RNF150: variants seen among roughly 807,000 people sequenced by gnomAD.
RNF150 encodes ring finger protein 150.
RNF150 carries 24 observed loss-of-function variants against 39.3 expected under a neutral mutation model. The ratio of observed to expected loss-of-function variants is 0.61; its 90% CI spans 0.44 to 0.86. The LOEUF (loss-of-function observed/expected upper bound fraction) is 0.86, where lower values mean the gene tolerates loss of function less well. RNF150 is among the 40% of genes least tolerant of loss of function. The pLI is 0.00. For missense variants in RNF150, 502 were observed against 587.8 expected, an observed-to-expected ratio of 0.85 and a Z score of 1.51; for synonymous variants, 255 against 227.3, an observed-to-expected ratio of 1.12 and a Z score of -1.10.
intron 4 of RNF150, among the ~76,000 whole-genome samples, chr4:140,941,632 T>C (rs1329317914): frequency 6.6e-6 from 1 of 152,048 alleles, no homozygotes; most frequent in African/African-American, 2.4e-5. Flanking sequence ...AATAGACTTA[T>C]CAGAATGAAT....
chr4:141,009,890 GCCTGTT>G (rs1263678729), intron 1 of RNF150, among the ~76,000 whole-genome samples: 5 of 152,148 alleles, frequency 3.3e-5, no homozygotes, highest in Non-Finnish European at 7.3e-5. Flanking sequence ...CTGCTCCTCT[GCCTGTT>G]CCTCTAGAGC....
At chr4:141,117,682 A>G (rs1726472461) in intron 1 of RNF150, among the ~76,000 whole-genome samples, 1 of 152,208 alleles carries the variant, frequency 6.6e-6, no homozygotes. Flanking sequence ...ATAGCTCTGG[A>G]TTAAAATCCC....
chr4:141,020,690 C>T (rs1001610231), intron 1 of RNF150, among the ~76,000 whole-genome samples: 1 of 152,224 alleles, frequency 6.6e-6, no homozygotes, highest in Non-Finnish European at 1.5e-5. Flanking sequence ...ACAATTCCTA[C>T]TTCCTCAGCT....
chr4:141,158,775 A>C (rs917875796), intron 1 of RNF150, among the ~76,000 whole-genome samples: 1 of 152,132 alleles, frequency 6.6e-6, no homozygotes, highest in Non-Finnish European at 1.5e-5. Flanking sequence ...TTATATTCCA[A>C]GGAAGAACTA....
chr4:140,865,552 T>G lies in RNF150; in HGVS notation c.*2709A>C, dbSNP rs983978191. 8 of 145,658 alleles carry G rather than the reference T, an allele frequency of 5.5e-5. No homozygotes were observed. The highest frequency in any genetic ancestry group is 2.1e-4 in the East Asian group (1 of 4,774). The allele number at this position is 145,658 out of a possible 1,614,324, so 9.0% of individuals were successfully genotyped here. A position where few individuals can be genotyped will look rare whatever the true frequency, so the allele number is the denominator to read the frequency against. On this transcript the variant is annotated 3_prime_UTR_variant, in exon 7 of 7. Coordinates refer to ENST00000515673, the MANE Select transcript of RNF150 (RefSeq NM_020724.2). Reference sequence around the variant, plus strand: ...ACTTTCTGGTTAAGCTTTTTTTTTTTCTTTTTTTTTTTTTTTTTAAACTAT... The same window carrying G: ...ACTTTCTGGTTAAGCTTTTTTTTTTGCTTTTTTTTTTTTTTTTTAAACTAT...
At chr4:141,064,371 T>G (rs1173455252) in intron 1 of RNF150, among the ~76,000 whole-genome samples, 10 of 152,186 alleles carry the variant, frequency 6.6e-5, no homozygotes, top group Admixed American at 6.5e-4. Context: ...CTTTGGCCTA[T>G]AGTTTGTAAA....
chr4:140,919,590 T>C (rs1350247764), intron 5 of RNF150, among the ~76,000 whole-genome samples: 4 of 150,434 alleles, frequency 2.7e-5, no homozygotes, highest in South Asian at 2.2e-4. Flanking sequence ...AGAATCAATA[T>C]CGTGAAAATG....
At chr4:141,037,958 G>A (rs1313680628) in intron 1 of RNF150, among the ~76,000 whole-genome samples, 2 of 152,102 alleles carry the variant, frequency 1.3e-5, no homozygotes, top group Admixed American at 6.6e-5. Context: ...ACACTAACAT[G>A]TTAAAATATA....
At chr4:141,082,824 G>A (rs921455048) in intron 1 of RNF150, among the ~76,000 whole-genome samples, 11 of 152,026 alleles carry the variant, frequency 7.2e-5, no homozygotes, top group Non-Finnish European at 1.3e-4. Context: ...TCCTGACCTC[G>A]TGATCCGCCC....
intron 6 of RNF150, among the ~76,000 whole-genome samples, chr4:140,895,672 C>T (rs1193596623): frequency 1.3e-5 from 2 of 152,244 alleles, no homozygotes; most frequent in African/African-American, 2.4e-5. Context: ...CTGCAATGCA[C>T]CCAAAGAAAC....
rs1425464768 is a variant in RNF150 at position 141,151,451 on chromosome 4, C to G, written c.-6+61343G>C. On this transcript the variant is annotated intron_variant, in intron 1 of 7. Transcript: ENST00000420921. Reference sequence around the variant, plus strand: ...ACACACACACACACACACACACACACACACACACACAGACACACACACAAA... The same window carrying G: ...ACACACACACACACACACACACACAGACACACACACAGACACACACACAAA... Among the ~76,000 whole-genome samples the G allele has an allele frequency of 1.4e-3, 14 of 9,906 alleles. No homozygotes were observed. In the Admixed American group the frequency reaches 0.019, roughly 13 times the overall value. The allele number at this position is 9,906 out of a possible 152,430, so 6.5% of individuals were successfully genotyped here. A position where few individuals can be genotyped will look rare whatever the true frequency, so the allele number is the denominator to read the frequency against.
intron 1 of RNF150, among the ~76,000 whole-genome samples, chr4:141,106,688 G>A (rs1739220125): frequency 6.6e-6 from 1 of 152,060 alleles, no homozygotes; most frequent in Non-Finnish European, 1.5e-5. Flanking sequence ...CAGCTGCTTG[G>A]GAGGGTGAGG....
At chr4:141,030,871 TA>T (rs1402473175) in intron 1 of RNF150, among the ~76,000 whole-genome samples, 3 of 152,146 alleles carry the variant, frequency 2.0e-5, no homozygotes, top group Non-Finnish European at 2.9e-5. Flanking sequence ...AAAAAAGCTC[TA>T]AAAATCTGTT....
intron 1 of RNF150, among the ~76,000 whole-genome samples, chr4:141,022,133 C>T (rs1299122638): frequency 6.6e-6 from 1 of 152,164 alleles, no homozygotes; most frequent in Non-Finnish European, 1.5e-5. Flanking sequence ...GGCCTCTTTA[C>T]ACAAGCAAAA....
At position 141,138,973 on chromosome 4, in the gene RNF150, A is replaced by G. The variant is rs150699657; in HGVS notation, c.-6+73821T>C. 1.5e-4 allele frequency among the ~76,000 whole-genome samples: 23 copies of G among 152,276 alleles called. No homozygotes were observed. The East Asian group carries it at 4.4e-3, about 29-fold the overall frequency. On this transcript the variant is annotated intron_variant, in intron 1 of 7. Transcript: ENST00000420921. ...TGTAATATCAGTTTTGGGAGGTGGA[A>G]GCGGGAGGATTGCTTGAGGTCAGGA...
chr4:141,030,995 T>G lies in RNF150; in HGVS notation c.485-63122A>C, dbSNP rs540950873. 4.6e-5 allele frequency among the ~76,000 whole-genome samples: 7 copies of G among 152,096 alleles called. No individual in the cohort carries two copies. In the South Asian group the frequency reaches 1.5e-3, roughly 32 times the overall value. On this transcript the variant is annotated intron_variant, in intron 1 of 6. Coordinates refer to ENST00000515673, the MANE Select transcript of RNF150 (RefSeq NM_020724.2). ...CGCAATTAAAAAATTTTAAAATATTTTTTAAAAAACAATCCTATTGGCAAA... is the reference window on the plus strand; with the variant it reads ...CGCAATTAAAAAATTTTAAAATATTGTTTAAAAAACAATCCTATTGGCAAA...
rs573611743 is a variant in RNF150, at chr4:140,874,457, G to A, written c.1199-6078C>T. ...GCACTTGGTAAATATTTCTAGAATTGAGATAAAATTGTAGTTGCTTTCTGG... is the reference window on the plus strand; with the variant it reads ...GCACTTGGTAAATATTTCTAGAATTAAGATAAAATTGTAGTTGCTTTCTGG... On this transcript the variant is annotated intron_variant, in intron 6 of 6. Coordinates refer to ENST00000515673, the MANE Select transcript of RNF150 (RefSeq NM_020724.2). Among the ~76,000 whole-genome samples the A allele has an allele frequency of 9.5e-4, 145 of 152,334 alleles. 7 individuals are homozygous for A. The South Asian group carries it at 0.03, about 31-fold the overall frequency.
chr4:141,142,621 G>A lies in RNF150; in HGVS notation c.-6+70173C>T, dbSNP rs1727137013. ...GAAACTTCTGTGGTCACTGGTGACT[G>A]CTGCTTTGTCAGATTCAATGGGAAC... On this transcript the variant is annotated intron_variant, in intron 1 of 7. Transcript: ENST00000420921. 2.0e-5 allele frequency among the ~76,000 whole-genome samples: 3 copies of A among 152,184 alleles called. No individual in the cohort carries two copies. The South Asian group carries it at 6.2e-4, about 32-fold the overall frequency.
At chr4:140,996,714 A>C (rs1734390807) in intron 1 of RNF150, among the ~76,000 whole-genome samples, 2 of 152,236 alleles carry the variant, frequency 1.3e-5, no homozygotes, top group Admixed American at 1.3e-4. Context: ...TTAGGGAAAA[A>C]ATTTGTACAA....
Sources: allele counts gnomAD v4.1 joint callset (sites outside exome capture counted in the v4.1 genomes callset), GRCh38; gene constraint gnomAD v4.1.1; transcripts MANE v1.5; gene names NCBI Gene and HGNC (gene_info 2026-07-23, HGNC 2026-07-21).